TTC17: variants seen among roughly 807,000 people sequenced by gnomAD.
TTC17 encodes the protein tetratricopeptide repeat domain 17, also known as tetratricopeptide repeat protein 17.
TTC17 carries 58 observed loss-of-function variants against 143.8 expected under a neutral mutation model. The observed-to-expected ratio is 0.40, with a 90% confidence interval of 0.33 to 0.50. The LOEUF (loss-of-function observed/expected upper bound fraction) is 0.50. Among genes scored for constraint, TTC17 ranks in the 20% least tolerant of loss-of-function variants. TTC17 has a pLI of 0.49. For synonymous variants in TTC17, 501 were observed against 497.8 expected (o/e 1.01, Z -0.09); for missense variants, 1,273 against 1,392.5 (o/e 0.91, Z 1.37).
At chr11:43,402,810 A>G (rs1264067198) in intron 10 of TTC17, among the ~76,000 whole-genome samples, 1 of 152,226 alleles carries the variant, frequency 6.6e-6, no homozygotes, top group Non-Finnish European at 1.5e-5. Context: ...TCTTAGAGAA[A>G]ACTCATCATG....
chr11:43,473,711 TTAAAAA>T (rs1434059208), intron 21 of TTC17, among the ~76,000 whole-genome samples: 4 of 151,778 alleles, frequency 2.6e-5, no homozygotes, highest in African/African-American at 4.8e-5. Flanking sequence ...CCCATCTTCA[TTAAAAA>T]TAAAAAAATA....
rs540337165 is a variant in TTC17 at position 43,382,526 on chromosome 11, A to G, written c.249+3204A>G. ...GAATAAATTAAAATCCTATGGGAAA[A>G]TTTATTGGCAAATATATTAAAAACT... is the stretch of plus-strand genomic sequence containing the variant. On this transcript the variant is annotated intron_variant, in intron 2 of 23. Coordinates refer to ENST00000039989, the MANE Select transcript of TTC17 (RefSeq NM_018259.6). 5.3e-5 allele frequency among the ~76,000 whole-genome samples: 8 copies of G among 152,248 alleles called. No homozygotes were observed. In the South Asian group the frequency reaches 1.2e-3, roughly 24 times the overall value.
At chr11:43,428,250 A>G (rs1947074462) in intron 16 of TTC17, among the ~76,000 whole-genome samples, 1 of 152,164 alleles carries the variant, frequency 6.6e-6, no homozygotes, top group Non-Finnish European at 1.5e-5. Flanking sequence ...TTGTTTCCCC[A>G]GTATTCTTGC....
rs1446566204 is a variant in TTC17, at chr11:43,400,023, T to G, written c.1194T>G (p.Thr398=). The part of the protein sequence containing the change: ...EQILRNIIHE[T]QMAKEAQLGN... ...TCTTAAGAAATATCATTCATGAGAC[T>G]CAGATGGCAAAAGAGGCACAATTAG... Residue 398 remains threonine, a synonymous_variant, in exon 9 of 24, where the codon ACT becomes ACG. Transcript: ENST00000039989. The G allele has an allele frequency of 6.2e-7, 1 of 1,613,146 alleles. No individual in the cohort carries two copies. Among genetic ancestry groups the G allele is most frequent in the Non-Finnish European group, 8.5e-7 (1 of 1,179,708 alleles).
intron 14 of TTC17, 31 bp from the exon 15 acceptor site, chr11:43,407,322 G>C: frequency 1.2e-6 from 2 of 1,604,244 alleles, no homozygotes; most frequent in South Asian, 1.1e-5. Flanking sequence ...CTGTATTCTT[G>C]TACTAACTGA....
At chr11:43,415,576 A>T (rs1031299866) in intron 16 of TTC17, among the ~76,000 whole-genome samples, 2 of 152,082 alleles carry the variant, frequency 1.3e-5, no homozygotes, top group South Asian at 4.1e-4. Flanking sequence ...AATCAGATGG[A>T]TATTAGTTCA....
At chr11:43,434,717 T>G (rs139692567) in intron 16 of TTC17, among the ~76,000 whole-genome samples, 11 of 152,364 alleles carry the variant, frequency 7.2e-5, no homozygotes, top group African/African-American at 1.9e-4. Context: ...CTTTGCTGTC[T>G]TGTATTTACT....
chr11:43,397,916 GTGTGTGTGTGTGTGTGTGTGT>G, intron 7 of TTC17, 37 bp from the exon 8 acceptor site: 1 of 926,172 alleles, frequency 1.1e-6, no homozygotes. Context: ...GTGTGTGTGT[GTGTGTGTGTGTGTGTGTGTGT>G]GTGTGTGTGT....
At chr11:43,426,795 A>T (rs1244826401) in intron 16 of TTC17, among the ~76,000 whole-genome samples, 1 of 152,216 alleles carries the variant, frequency 6.6e-6, no homozygotes, top group African/African-American at 2.4e-5. Flanking sequence ...AGAAAAAAAG[A>T]CAAAATAGCC....
At chr11:43,363,122 A>C (rs1047510582) in intron 1 of TTC17, among the ~76,000 whole-genome samples, 9 of 152,242 alleles carry the variant, frequency 5.9e-5, no homozygotes, top group African/African-American at 2.2e-4. Flanking sequence ...ATTATAATCT[A>C]GTTACTAAAA....
intron 21 of TTC17, among the ~76,000 whole-genome samples, chr11:43,474,196 G>T (rs1307753545): frequency 1.3e-5 from 2 of 152,158 alleles, no homozygotes; most frequent in African/African-American, 4.8e-5. Flanking sequence ...CACAGTGGAG[G>T]CTTCTGCAGC....
At chr11:43,478,172 C>G (rs998683779) in intron 21 of TTC17, among the ~76,000 whole-genome samples, 3 of 152,080 alleles carry the variant, frequency 2.0e-5, no homozygotes, top group Non-Finnish European at 2.9e-5. Flanking sequence ...GACAGATAAC[C>G]CTATTTCTTC....
rs3978779 is a variant in TTC17, at chr11:43,362,149, TTGTGTGTGTGTGTGTGTGTGTGTG to T, written c.159+3058_159+3081del. Among the ~76,000 whole-genome samples the T allele has an allele frequency of 6.5e-5, 9 of 138,150 alleles. No individual in the cohort carries two copies. In the East Asian group the frequency reaches 1.8e-3, roughly 27 times the overall value. The allele number at this position is 138,150 out of a possible 152,430, so 90.6% of individuals were successfully genotyped here. The stretch of plus-strand genomic sequence containing the variant: ...GCATGCACTACCACACCCGGCTAAT[TTGTGTGTGTGTGTGTGTGTGTGTG>T]TGTGTGTGTGTGTGTGTGTGTATTT... On this transcript the variant is annotated intron_variant, in intron 1 of 23. Coordinates refer to ENST00000039989, the MANE Select transcript of TTC17 (RefSeq NM_018259.6).
At chr11:43,454,174 T>G (rs1048560210) in intron 21 of TTC17, among the ~76,000 whole-genome samples, 1 of 152,114 alleles carries the variant, frequency 6.6e-6, no homozygotes, top group African/African-American at 2.4e-5. Context: ...TAGATACTGG[T>G]TGGGAATTAA....
intron 10 of TTC17, among the ~76,000 whole-genome samples, chr11:43,402,883 GCATCTATAGGAGGA>G (rs1857933226): frequency 6.6e-6 from 1 of 152,104 alleles, no homozygotes; most frequent in Non-Finnish European, 1.5e-5. Flanking sequence ...GATTAGGAGA[GCATCTATAGGAGGA>G]CAAACCACAA....
intron 1 of TTC17, chr11:43,370,068 T>G (rs1379011667): frequency 4.4e-6 from 2 of 455,814 alleles, no homozygotes; most frequent in Non-Finnish European, 8.8e-6. Context: ...ATTACACATT[T>G]GTTTTGACAG....
intron 1 of TTC17, among the ~76,000 whole-genome samples, chr11:43,366,445 G>T (rs930434021): frequency 4.6e-5 from 7 of 151,020 alleles, no homozygotes; most frequent in Non-Finnish European, 1.0e-4. Flanking sequence ...GGTGGAGGTT[G>T]TAGTGACCCA....
intron 1 of TTC17, among the ~76,000 whole-genome samples, chr11:43,375,186 A>G (rs544351421): frequency 3.3e-5 from 5 of 152,300 alleles, no homozygotes; most frequent in African/African-American, 4.8e-5. Context: ...CAATAGCTCA[A>G]AGTTCTGGAT....
At chr11:43,396,572 A>T (rs1355787754) in intron 5 of TTC17, 137 bp from the exon 6 acceptor site, 3 of 477,652 alleles carry the variant, frequency 6.3e-6, no homozygotes, top group Non-Finnish European at 1.1e-5. Flanking sequence ...CCTGTTCTTT[A>T]TCATTGCTTA....
Sources: allele counts gnomAD v4.1 joint callset (sites outside exome capture counted in the v4.1 genomes callset), GRCh38; gene constraint gnomAD v4.1.1; transcripts MANE v1.5; gene names NCBI Gene and HGNC (gene_info 2026-07-23, HGNC 2026-07-21).